The following ACYP2 variants were observed in gnomAD, a reference collection of about 807,000 sequenced individuals.
ACYP2 encodes the protein acylphosphatase 2.
A neutral mutation model predicts 11.2 loss-of-function variants in ACYP2; 12 were observed. The observed-to-expected ratio is 1.08, with a 90% CI of 0.69 to 1.74. The LOEUF (loss-of-function observed/expected upper bound fraction) is 1.74, where lower values mean the gene tolerates loss of function less well. Ranked by LOEUF, ACYP2 falls within the 40% of genes most tolerant of loss-of-function variation. The pLI is 0.00. For missense variants in ACYP2, 134 were observed against 101.9 expected (o/e 1.31, Z -1.35); for synonymous variants, 43 against 32.2 (o/e 1.33, Z -1.13).
intron 2 of ACYP2, among the ~76,000 whole-genome samples, chr2:53,991,017 A>G (rs2104518428): frequency 6.6e-6 from 1 of 152,244 alleles, no homozygotes; most frequent in Non-Finnish European, 1.5e-5. Context: ...AGGATAGTCT[A>G]GATCTCCTGA....
At chr2:54,270,425 T>G (rs931603247) in intron 6 of ACYP2, among the ~76,000 whole-genome samples, 4 of 152,158 alleles carry the variant, frequency 2.6e-5, no homozygotes, top group African/African-American at 7.2e-5. Context: ...TTTGTGTTTT[T>G]TAGCCAGTTA....
At chr2:54,064,780 A>T (rs1222028824) in intron 4 of ACYP2, among the ~76,000 whole-genome samples, 1 of 152,130 alleles carries the variant, frequency 6.6e-6, no homozygotes, top group African/African-American at 2.4e-5. Context: ...TGCATTAAGG[A>T]GGGTCAGATT....
intron 6 of ACYP2, among the ~76,000 whole-genome samples, chr2:54,192,540 G>A (rs938851258): frequency 2.0e-5 from 3 of 152,012 alleles, no homozygotes; most frequent in Non-Finnish European, 4.4e-5. Flanking sequence ...TCTAATTCCA[G>A]CCAGAACCTG....
intron 2 of ACYP2, among the ~76,000 whole-genome samples, chr2:54,013,453 A>G (rs1673503896): frequency 6.6e-6 from 1 of 151,834 alleles, no homozygotes; most frequent in Admixed American, 6.6e-5. Flanking sequence ...GGCATGCACT[A>G]CCATGCCCAG....
At chr2:54,247,863 G>T (rs1451825137) in intron 6 of ACYP2, among the ~76,000 whole-genome samples, 3 of 152,230 alleles carry the variant, frequency 2.0e-5, no homozygotes, top group Admixed American at 6.5e-5. Flanking sequence ...TGACTGGACA[G>T]AAGTAACATA....
intron 6 of ACYP2, among the ~76,000 whole-genome samples, chr2:54,164,284 T>C (rs1037989061): frequency 6.6e-6 from 1 of 152,210 alleles, no homozygotes; most frequent in African/African-American, 2.4e-5. Flanking sequence ...GAATCTTAAC[T>C]TCTTGTCTAG....
At chr2:54,290,216 G>C (rs1689243353) in intron 6 of ACYP2, among the ~76,000 whole-genome samples, 1 of 152,064 alleles carries the variant, frequency 6.6e-6, no homozygotes, top group Admixed American at 6.5e-5. Context: ...AGCTTCCCCG[G>C]GCGAGGCCGT....
At chr2:54,021,545 A>T (rs1558476752) in intron 2 of ACYP2, among the ~76,000 whole-genome samples, 2 of 152,192 alleles carry the variant, frequency 1.3e-5, no homozygotes, top group African/African-American at 2.4e-5. Flanking sequence ...ATCCAAAATA[A>T]AATGTGCATG....
At chr2:54,151,068 G>A (rs59929874) in intron 6 of ACYP2, among the ~76,000 whole-genome samples, 10,078 of 152,228 alleles carry the variant, frequency 0.066, 512 homozygotes, top group East Asian at 0.3. Flanking sequence ...CAGAGCTGAT[G>A]ATTGCGCATG....
rs549259282 is a variant in ACYP2, at chr2:54,240,596, C to G, written c.405-64092C>G. Among the ~76,000 whole-genome samples the G allele has an allele frequency of 1.6e-4, 25 of 152,264 alleles. No homozygotes were observed. In the South Asian group the frequency reaches 4.1e-3, roughly 25 times the overall value. On this transcript the variant is annotated intron_variant, in intron 6 of 6. Coordinates refer to ENST00000607452, the MANE Select transcript of ACYP2 (RefSeq NM_001320586.2). ...TTCCCATTTTTATTGGTCCTCAAAA[C>G]TTTGTCTTTGCGGCACTCCCTGCCT...
chr2:54,115,523 G>T, intron 4 of ACYP2, 92 bp from the exon 1 acceptor site: 1 of 1,480,338 alleles, frequency 6.8e-7, no homozygotes, highest in Non-Finnish European at 9.0e-7. Flanking sequence ...TCGCTCCCAG[G>T]CCCCGCAGTC....
chr2:54,201,635 TC>T (rs1195996721), intron 6 of ACYP2, among the ~76,000 whole-genome samples: 2 of 42,894 alleles, frequency 4.7e-5, no homozygotes, highest in African/African-American at 1.5e-4. Flanking sequence ...TTTCTTTCTT[TC>T]TCTTTCTTTC....
intron 6 of ACYP2, chr2:54,256,347 G>T: frequency 1.6e-6 from 1 of 607,984 alleles, no homozygotes; most frequent in Non-Finnish European, 2.9e-6. Context: ...TTACGTCTTT[G>T]TTATTTTAGC....
chr2:54,143,001 A>G (rs1465979719), intron 6 of ACYP2: 1 of 152,156 alleles, frequency 6.6e-6, no homozygotes, highest in Non-Finnish European at 1.5e-5. Flanking sequence ...ACTTTTGTGT[A>G]TTAATTAGAT....
chr2:54,029,165 A>G (rs367751852), intron 2 of ACYP2, among the ~76,000 whole-genome samples: 27 of 152,202 alleles, frequency 1.8e-4, no homozygotes, highest in African/African-American at 4.3e-4. Flanking sequence ...ATCCTGTCTC[A>G]GGAAAAGAAA....
chr2:54,087,228 C>T (rs1677990661), intron 4 of ACYP2, among the ~76,000 whole-genome samples: 1 of 152,194 alleles, frequency 6.6e-6, no homozygotes, highest in Admixed American at 6.5e-5. Context: ...ATTAGGGAAA[C>T]ACACTTGTAC....
chr2:54,183,431 C>T (rs1469045480), intron 6 of ACYP2, among the ~76,000 whole-genome samples: 1 of 151,874 alleles, frequency 6.6e-6, no homozygotes, highest in Admixed American at 6.6e-5. Flanking sequence ...CTTTAGGAGG[C>T]TGAGGCAGAA....
chr2:54,030,255 C>G (rs1402767753), intron 2 of ACYP2, among the ~76,000 whole-genome samples: 1 of 152,152 alleles, frequency 6.6e-6, no homozygotes, highest in Non-Finnish European at 1.5e-5. Context: ...CTGCCTTAGA[C>G]TCTCCAATGA....
intron 2 of ACYP2, among the ~76,000 whole-genome samples, chr2:54,025,077 T>C (rs954322971): frequency 1.3e-5 from 2 of 152,190 alleles, no homozygotes; most frequent in Non-Finnish European, 1.5e-5. Flanking sequence ...TACAAAACAC[T>C]GCTGAAAGAA....
Sources: gnomAD v4.1 joint callset for allele counts (sites outside exome capture counted in the v4.1 genomes callset) on GRCh38, gnomAD v4.1.1 for gene constraint, MANE v1.5 for transcripts, NCBI Gene and HGNC (gene_info 2026-07-23, HGNC 2026-07-21) for gene names.